Variants in DMTN observed in about 807,000 individuals in gnomAD.
The protein encoded by DMTN is dematin actin binding protein, also known as dematin.
In DMTN, 27 loss-of-function variants were observed where a neutral mutation model predicts 59.4. The ratio of observed to expected loss-of-function variants is 0.45; its 90% CI spans 0.33 to 0.63. The LOEUF (loss-of-function observed/expected upper bound fraction) is 0.63, where lower values mean the gene tolerates loss of function less well. DMTN is among the 20% of genes least tolerant of loss of function. DMTN has a pLI of 0.02. For synonymous variants in DMTN, 221 were observed against 203.7 expected (o/e 1.08, Z -0.72); for missense variants, 451 against 528.9 (o/e 0.85, Z 1.45).
rs57056832 is a variant in DMTN at position 22,065,686 on chromosome 8, T to C, written c.-171-1019T>C. 4.0e-3 allele frequency among the ~76,000 whole-genome samples: 610 copies of C among 151,854 alleles called. 3 individuals are homozygous for C. The highest frequency in any genetic ancestry group is 0.014 in the African/African-American group (595 of 41,450). The stretch of plus-strand genomic sequence containing the variant: ...GGTGAAACCCCATCGCTACTGAAAA[T>C]ACAAAAATTAGCCAGGCACACGCCT... On this transcript the variant is annotated intron_variant, in intron 1 of 15. Coordinates refer to ENST00000358242, the MANE Select transcript of DMTN (RefSeq NM_001387751.1).
chr8:22,073,587 TGCCACTGAACTCCA>T, intron 9 of DMTN, 129 bp from the exon 10 acceptor site: 1 of 621,828 alleles, frequency 1.6e-6, no homozygotes, highest in South Asian at 2.0e-5. Context: ...GCCATGTTTG[TGCCACTGAACTCCA>T]GCCTGGGTGA....
chr8:22,061,390 T>G (rs1806329238), intron 1 of DMTN, among the ~76,000 whole-genome samples: 1 of 152,238 alleles, frequency 6.6e-6, no homozygotes, highest in Non-Finnish European at 1.5e-5. Flanking sequence ...TTCATATGAC[T>G]GTGACCATCA....
At chr8:22,057,582 C>T (rs1389195160) in intron 1 of DMTN, among the ~76,000 whole-genome samples, 2 of 152,146 alleles carry the variant, frequency 1.3e-5, no homozygotes, top group Non-Finnish European at 2.9e-5. Context: ...TTGGAGCCTG[C>T]TTTTTAGGGG....
intron 5 of DMTN, 103 bp downstream of exon 5, chr8:22,069,163 G>T: frequency 7.4e-7 from 1 of 1,348,410 alleles, no homozygotes; most frequent in Admixed American, 2.3e-5. Context: ...CCCAGGGAGT[G>T]CCCGAATCAG....
At chr8:22,061,175 C>T (rs144817952) in intron 1 of DMTN, among the ~76,000 whole-genome samples, 21 of 150,704 alleles carry the variant, frequency 1.4e-4, no homozygotes, top group African/African-American at 4.2e-4. Context: ...CCCAGCTACT[C>T]GGGAGACTGA....
intron 10 of DMTN, among the ~76,000 whole-genome samples, chr8:22,078,111 T>G (rs1218364110): frequency 6.6e-6 from 1 of 151,556 alleles, no homozygotes; most frequent in African/African-American, 2.4e-5. Flanking sequence ...ACACCCGTAA[T>G]CCCAGCAATT....
rs74568060 is a variant in DMTN, at chr8:22,082,056, G to A, written c.*593G>A. 0.03 allele frequency: 13,649 copies of A among 456,744 alleles called. 276 individuals carry two copies. Among genetic ancestry groups the A allele is most frequent in the Middle Eastern group, 0.062 (190 of 3,076 alleles). 28.3% of individuals were successfully genotyped at this position (456,744 alleles called of 1,614,324 possible). ...TCCAAGCCTTTTGCTCCAGCCCTGC[G>A]GCTTCCCCAGAAGCCTGGGCTTAGG... On this transcript the variant is annotated 3_prime_UTR_variant, in exon 16 of 16. Transcript: ENST00000358242.
chr8:22,072,962 C>T (rs914929112), intron 9 of DMTN, among the ~76,000 whole-genome samples: 2 of 152,126 alleles, frequency 1.3e-5, no homozygotes, highest in African/African-American at 4.8e-5. Flanking sequence ...ATATAAGGGT[C>T]AAAAGCACAG....
chr8:22,080,362 C>A (rs747360880), intron 11 of DMTN, 50 bp from the exon 12 acceptor site: 1 of 1,613,756 alleles, frequency 6.2e-7, no homozygotes, highest in South Asian at 1.1e-5. Context: ...GTGAAGGGGA[C>A]CAAAGGTGAA....
intron 2 of DMTN, 29 bp downstream of exon 2, chr8:22,066,922 G>A (rs1457442306): frequency 2.4e-6 from 3 of 1,239,320 alleles, no homozygotes; most frequent in East Asian, 3.3e-5. Flanking sequence ...GGCCGGGGCC[G>A]CCGAGGGCGG....
At chr8:22,057,705 T>C (rs1348862089) in intron 1 of DMTN, among the ~76,000 whole-genome samples, 1 of 152,132 alleles carries the variant, frequency 6.6e-6, no homozygotes, top group African/African-American at 2.4e-5. Flanking sequence ...GTACTCCCCC[T>C]GTGCCCGCCG....
Position 22,081,637 on chromosome 8 carries a change from C to G in DMTN, c.*174C>G. 1.6e-6 allele frequency: 1 copy of G among 626,316 alleles called. No individual in the cohort carries two copies. 38.8% of individuals were successfully genotyped at this position (626,316 alleles called of 1,614,324 possible). ...GCAGTGAGCTATGGACTTTCTTCCC[C>G]CTCACAAGGCTGGGGGCCTCCTGCT... On this transcript the variant is annotated 3_prime_UTR_variant, in exon 16 of 16. Transcript: ENST00000358242.
Position 22,082,421 on chromosome 8 carries a change from G to T in DMTN, c.*958G>T. 2.8e-6 allele frequency: 1 copy of T among 357,918 alleles called. No homozygotes were observed. Among genetic ancestry groups the T allele is most frequent in the African/African-American group, 2.1e-5 (1 of 46,956 alleles). 22.2% of individuals were successfully genotyped at this position (357,918 alleles called of 1,614,324 possible). A position where few individuals can be genotyped will look rare whatever the true frequency, so the allele number is the denominator to read the frequency against. The stretch of plus-strand genomic sequence containing the variant: ...GATATCTATATTTTTGCCCAGGTCT[G>T]GGTATTGCTCCTGCCCAGACCCTGA... On this transcript the variant is annotated 3_prime_UTR_variant, in exon 16 of 16. Transcript: ENST00000358242.
chr8:22,051,385 C>G (rs528243817), upstream of DMTN, among the ~76,000 whole-genome samples: 1 of 152,212 alleles, frequency 6.6e-6, no homozygotes. Context: ...TTAGGCCACA[C>G]AAACTGGTTC....
chr8:22,057,374 C>T (rs1803249363), intron 1 of DMTN, among the ~76,000 whole-genome samples: 1 of 152,152 alleles, frequency 6.6e-6, no homozygotes, highest in African/African-American at 2.4e-5. Flanking sequence ...TGCTCCCAGC[C>T]CAATCCCCTC....
At chr8:22,071,365 G>A (rs1417861058) in intron 8 of DMTN, among the ~76,000 whole-genome samples, 1 of 151,864 alleles carries the variant, frequency 6.6e-6, no homozygotes, top group Admixed American at 6.6e-5. Flanking sequence ...CAAACTGCTG[G>A]GATTACAGGC....
upstream of DMTN, among the ~76,000 whole-genome samples, chr8:22,054,341 G>C (rs1408271109): frequency 6.6e-6 from 1 of 152,018 alleles, no homozygotes; most frequent in Non-Finnish European, 1.5e-5. Flanking sequence ...AGTGGGAATG[G>C]GGCCTTGAGG....
Position 22,072,394 on chromosome 8 carries a change from G to T in DMTN, c.673G>T (p.Asp225Tyr). The part of the protein sequence containing the change: ...AEEEEEEEDD[D>Y]SGEEMKALRE... The stretch of plus-strand genomic sequence containing the variant: ...GGAAGAGGAGGAGGAGGAAGATGAC[G>T]ACTCTGGAGAGGAGATGAAGGCTCT... The change falls in exon 9 of 16, where the codon GAC becomes TAC. Residue 225 changes from aspartate to tyrosine, a missense_variant. Asp to Tyr is a radical substitution (Grantham distance 160). Coordinates refer to ENST00000358242, the MANE Select transcript of DMTN (RefSeq NM_001387751.1). 6.3e-7 allele frequency: 1 copy of T among 1,599,290 alleles called. No individual in the cohort carries two copies. The highest frequency in any genetic ancestry group is 1.1e-5 in the South Asian group (1 of 88,808).
chr8:22,081,305 G>A (rs769952490), intron 15 of DMTN, 45 bp from the exon 16 acceptor site: 1 of 1,598,250 alleles, frequency 6.3e-7, no homozygotes, highest in South Asian at 1.1e-5. Flanking sequence ...ACTGGGCACA[G>A]CCCCCTCCCC....
Sources: allele counts gnomAD v4.1 joint callset (sites outside exome capture counted in the v4.1 genomes callset), GRCh38; gene constraint gnomAD v4.1.1; transcripts MANE v1.5; gene names NCBI Gene and HGNC (gene_info 2026-07-23, HGNC 2026-07-21).